Variants in NEGR1 observed in about 807,000 individuals in gnomAD.
The protein encoded by NEGR1 is neuronal growth regulator 1.
Under a neutral mutation model 40.9 loss-of-function variants are expected in NEGR1, and 10 were observed. That is an observed-to-expected ratio of 0.24 (90% confidence interval 0.15 to 0.42). The LOEUF is 0.42. Ranked by LOEUF, NEGR1 falls within the 10% of genes least tolerant of loss-of-function variation. The probability of loss-of-function intolerance (pLI) is 1.00; values close to 1 mark genes in which losing one functional copy is unlikely to be tolerated. For synonymous variants in NEGR1, 185 were observed against 166.8 expected, an observed-to-expected ratio of 1.11 and a Z score of -0.84; for missense variants, 352 against 438.9, an observed-to-expected ratio of 0.80 and a Z score of 1.77.
At chr1:72,055,834 A>C (rs1360884117) in intron 1 of NEGR1, among the ~76,000 whole-genome samples, 1 of 147,688 alleles carries the variant, frequency 6.8e-6, no homozygotes, top group African/African-American at 2.5e-5. Flanking sequence ...TCATTTATTT[A>C]GCTCTTTCAA....
chr1:71,993,348 G>T (rs549469389), intron 1 of NEGR1, among the ~76,000 whole-genome samples: 2 of 152,318 alleles, frequency 1.3e-5, no homozygotes, highest in Admixed American at 1.3e-4. Flanking sequence ...AGACTTAAGA[G>T]CGCCAACTTT....
At chr1:71,998,698 T>C (rs1357740097) in intron 1 of NEGR1, among the ~76,000 whole-genome samples, 1 of 151,536 alleles carries the variant, frequency 6.6e-6, no homozygotes, top group African/African-American at 2.4e-5. Flanking sequence ...TTACATTTTA[T>C]ATAGAGATAT....
intron 1 of NEGR1, among the ~76,000 whole-genome samples, chr1:72,041,426 G>A (rs1466434832): frequency 1.0e-5 from 1 of 99,330 alleles, no homozygotes; most frequent in African/African-American, 3.4e-5. Context: ...CTTTTCTTCT[G>A]TAGGCTTTTT....
At chr1:71,673,510 T>C (rs953587816) in intron 4 of NEGR1, among the ~76,000 whole-genome samples, 3 of 152,120 alleles carry the variant, frequency 2.0e-5, no homozygotes, top group African/African-American at 7.2e-5. Flanking sequence ...GAAAACAAAT[T>C]ACTCTAATAA....
chr1:72,045,544 G>C (rs1320383813), intron 1 of NEGR1, among the ~76,000 whole-genome samples: 1 of 151,666 alleles, frequency 6.6e-6, no homozygotes, highest in African/African-American at 2.4e-5. Flanking sequence ...AAAAATGAGA[G>C]TTTCCCTGCA....
intron 1 of NEGR1, among the ~76,000 whole-genome samples, chr1:72,231,084 G>GA (rs1369128844): frequency 2.0e-5 from 3 of 152,250 alleles, no homozygotes; most frequent in African/African-American, 7.2e-5. Flanking sequence ...ATGAATGCAT[G>GA]AAAGTTGTTG....
chr1:71,932,898 C>T (rs1389679250), intron 2 of NEGR1, among the ~76,000 whole-genome samples: 2 of 152,022 alleles, frequency 1.3e-5, no homozygotes, highest in Non-Finnish European at 2.9e-5. Context: ...CTTTTTATGA[C>T]ATTTATTTAG....
At chr1:71,779,910 G>A (rs966408751) in intron 2 of NEGR1, among the ~76,000 whole-genome samples, 1 of 151,938 alleles carries the variant, frequency 6.6e-6, no homozygotes, top group African/African-American at 2.4e-5. Context: ...TGCACAAATG[G>A]TGGTATAGAG....
In NEGR1 at chr1:72,281,618, A is replaced by G. The variant is rs546346593; in HGVS notation, c.176+701T>C. 2.0e-5 allele frequency among the ~76,000 whole-genome samples: 3 copies of G among 152,220 alleles called. No individual in the cohort carries two copies. The East Asian group carries it at 5.8e-4, about 29-fold the overall frequency. On this transcript the variant is annotated intron_variant, in intron 1 of 6. Transcript: ENST00000357731. ...TAAAAAAAATAGACAAAAAGAAAAA[A>G]GGGTAAAAGAGAGGAGGAAAGGGGA...
At chr1:71,865,361 T>C (rs1205701357) in intron 2 of NEGR1, among the ~76,000 whole-genome samples, 1 of 152,090 alleles carries the variant, frequency 6.6e-6, no homozygotes, top group Non-Finnish European at 1.5e-5. Flanking sequence ...ATAGACTTGA[T>C]AAAGAAAATG....
chr1:72,236,995 C>A (rs906265991), intron 1 of NEGR1, among the ~76,000 whole-genome samples: 1 of 151,790 alleles, frequency 6.6e-6, no homozygotes, highest in Non-Finnish European at 1.5e-5. Flanking sequence ...AAAATACATT[C>A]TTGAGTTTAA....
At chr1:72,224,479 C>T (rs1466304401) in intron 1 of NEGR1, among the ~76,000 whole-genome samples, 4 of 152,078 alleles carry the variant, frequency 2.6e-5, no homozygotes, top group African/African-American at 7.2e-5. Flanking sequence ...AATGCAAATG[C>T]ACTAAATTAT....
chr1:71,475,045 T>C (rs1646811020), intron 6 of NEGR1, among the ~76,000 whole-genome samples: 1 of 152,014 alleles, frequency 6.6e-6, no homozygotes, highest in South Asian at 2.1e-4. Flanking sequence ...TGGGTACATA[T>C]AAACATGGTT....
At chr1:71,589,367 T>A (rs1311199264) in intron 6 of NEGR1, among the ~76,000 whole-genome samples, 4 of 152,140 alleles carry the variant, frequency 2.6e-5, no homozygotes, top group Non-Finnish European at 5.9e-5. Context: ...GGTAATCTTA[T>A]CACTCTACAT....
intron 5 of NEGR1, among the ~76,000 whole-genome samples, chr1:71,603,585 T>C (rs1366795316): frequency 6.6e-6 from 1 of 152,192 alleles, no homozygotes; most frequent in African/African-American, 2.4e-5. Flanking sequence ...AGTCAGCATA[T>C]AAGGTAAAGT....
chr1:72,003,270 G>C (rs528517791), intron 1 of NEGR1, among the ~76,000 whole-genome samples: 1 of 151,570 alleles, frequency 6.6e-6, no homozygotes, highest in South Asian at 2.1e-4. Context: ...TGCTCTGGTG[G>C]TACAATATTG....
At chr1:72,245,662 CACTAATTTTAA>C (rs1654879359) in intron 1 of NEGR1, among the ~76,000 whole-genome samples, 1 of 152,110 alleles carries the variant, frequency 6.6e-6, no homozygotes, top group African/African-American at 2.4e-5. Context: ...AAGATTCAAA[CACTAATTTTAA>C]ACATAAGAGA....
chr1:71,976,338 G>A (rs912515778), intron 1 of NEGR1, among the ~76,000 whole-genome samples: 2 of 152,158 alleles, frequency 1.3e-5, no homozygotes, highest in African/African-American at 4.8e-5. Flanking sequence ...ATATGTACGT[G>A]AACGAAGAGA....
intron 1 of NEGR1, among the ~76,000 whole-genome samples, chr1:72,065,662 ATG>A (rs1332662116): frequency 6.6e-6 from 1 of 152,128 alleles, no homozygotes; most frequent in African/African-American, 2.4e-5. Flanking sequence ...AAAATTAAGT[ATG>A]AAGTGTACCT....
Sources: allele counts gnomAD v4.1 joint callset (sites outside exome capture counted in the v4.1 genomes callset), GRCh38; gene constraint gnomAD v4.1.1; transcripts MANE v1.5; gene names NCBI Gene and HGNC (gene_info 2026-07-23, HGNC 2026-07-21).